MAD1L1: variants seen among roughly 807,000 people sequenced by gnomAD.
MAD1L1 encodes the protein mitotic spindle assembly checkpoint protein MAD1.
MAD1L1 carries 95 observed loss-of-function variants against 96.9 expected under a neutral mutation model. The ratio of observed to expected loss-of-function variants is 0.98; its 90% CI spans 0.83 to 1.16. The LOEUF (loss-of-function observed/expected upper bound fraction) is 1.16, where lower values mean the gene tolerates loss of function less well. MAD1L1 is among the 50% of genes most tolerant of loss of function. The probability of loss-of-function intolerance (pLI) is 0.00; values close to 1 mark genes in which losing one functional copy is unlikely to be tolerated. For missense variants in MAD1L1, 1,007 were observed against 954.4 expected, an observed-to-expected ratio of 1.06 and a Z score of -0.73; for synonymous variants, 473 against 396.6, an observed-to-expected ratio of 1.19 and a Z score of -2.29.
intron 10 of MAD1L1, among the ~76,000 whole-genome samples, chr7:2,205,377 T>C (rs1322447677): frequency 6.6e-6 from 1 of 152,192 alleles, no homozygotes; most frequent in Non-Finnish European, 1.5e-5. Flanking sequence ...CAGACATCAC[T>C]GCTGTGAAAC....
At chr7:2,179,841 G>A (rs899805711) in intron 10 of MAD1L1, among the ~76,000 whole-genome samples, 5 of 151,722 alleles carry the variant, frequency 3.3e-5, no homozygotes, top group African/African-American at 1.2e-4. Flanking sequence ...CGTGGTGGCA[G>A]GCACCTGTAA....
chr7:2,065,751 G>A (rs530883680), intron 12 of MAD1L1, among the ~76,000 whole-genome samples: 1 of 152,338 alleles, frequency 6.6e-6, no homozygotes, highest in African/African-American at 2.4e-5. Flanking sequence ...GACACCCAGC[G>A]TCAACTGCTC....
intron 17 of MAD1L1, among the ~76,000 whole-genome samples, chr7:1,911,599 G>C (rs943774779): frequency 1.3e-5 from 2 of 152,240 alleles, no homozygotes; most frequent in African/African-American, 2.4e-5. Context: ...ATGTTCACCA[G>C]CGAACTTCTG....
intron 9 of MAD1L1, among the ~76,000 whole-genome samples, chr7:2,215,655 C>T (rs1022328252): frequency 1.3e-5 from 2 of 152,186 alleles, no homozygotes; most frequent in Non-Finnish European, 2.9e-5. Context: ...CCCTCCCCGC[C>T]GTGGGCCAGC....
At chr7:2,170,589 A>G (rs912082448) in intron 10 of MAD1L1, among the ~76,000 whole-genome samples, 15 of 152,190 alleles carry the variant, frequency 9.9e-5, no homozygotes, top group African/African-American at 2.4e-5. Flanking sequence ...AACAGCTTTG[A>G]GCAGGGTCTC....
intron 10 of MAD1L1, among the ~76,000 whole-genome samples, chr7:2,196,719 C>G (rs993581643): frequency 2.0e-5 from 3 of 152,256 alleles, no homozygotes; most frequent in African/African-American, 7.2e-5. Context: ...AACAGAAAAA[C>G]AGGGAGAGTC....
At chr7:1,907,960 C>A (rs1485476790) in intron 17 of MAD1L1, among the ~76,000 whole-genome samples, 3 of 152,232 alleles carry the variant, frequency 2.0e-5, no homozygotes, top group Admixed American at 6.5e-5. Context: ...GCGGCCCCCT[C>A]AGGAGACAGC....
At chr7:1,993,712 G>A (rs1781443223) in intron 14 of MAD1L1, among the ~76,000 whole-genome samples, 1 of 152,164 alleles carries the variant, frequency 6.6e-6, no homozygotes, top group African/African-American at 2.4e-5. Flanking sequence ...TCCTTACAAG[G>A]TAACGACATT....
At chr7:1,962,311 T>C (rs958942226) in intron 15 of MAD1L1, among the ~76,000 whole-genome samples, 3 of 152,244 alleles carry the variant, frequency 2.0e-5, no homozygotes, top group Non-Finnish European at 4.4e-5. Context: ...GCTGCCATGA[T>C]TGTGAGGCCT....
intron 5 of MAD1L1, among the ~76,000 whole-genome samples, 196 bp from the exon 6 acceptor site, chr7:2,219,652 C>G (rs1250837039): frequency 2.8e-5 from 3 of 106,514 alleles, no homozygotes; most frequent in Non-Finnish European, 5.6e-5. Flanking sequence ...GGTAGGGGGG[C>G]AGATGGCAAG....
At chr7:1,922,918 G>A (rs1053874285) in intron 17 of MAD1L1, among the ~76,000 whole-genome samples, 2 of 152,358 alleles carry the variant, frequency 1.3e-5, no homozygotes, top group African/African-American at 4.8e-5. Flanking sequence ...GATTGTACCA[G>A]CTGACGCTCG....
intron 11 of MAD1L1, among the ~76,000 whole-genome samples, chr7:2,070,447 G>T: frequency 6.6e-6 from 1 of 152,132 alleles, no homozygotes; most frequent in East Asian, 1.9e-4. Context: ...ATGAGAGGCC[G>T]CCCGAGAGGA....
chr7:2,163,285 G>A (rs1471013886), intron 10 of MAD1L1, among the ~76,000 whole-genome samples: 2 of 152,212 alleles, frequency 1.3e-5, no homozygotes, highest in South Asian at 2.1e-4. Flanking sequence ...GGTTGGGGGC[G>A]TAATGGGATG....
intron 11 of MAD1L1, among the ~76,000 whole-genome samples, chr7:2,145,127 C>T (rs1198003555): frequency 6.6e-6 from 1 of 152,154 alleles, no homozygotes; most frequent in Non-Finnish European, 1.5e-5. Flanking sequence ...CCTGGCTCCA[C>T]AGCCAGCCCC....
chr7:2,038,369 T>A (rs1783530461), intron 12 of MAD1L1, among the ~76,000 whole-genome samples: 1 of 152,172 alleles, frequency 6.6e-6, no homozygotes. Context: ...AGATTTGCAG[T>A]GCACATAAAA....
intron 11 of MAD1L1, among the ~76,000 whole-genome samples, chr7:2,093,783 C>T (rs1196885149): frequency 6.6e-6 from 1 of 152,190 alleles, no homozygotes; most frequent in East Asian, 1.9e-4. Flanking sequence ...CAGCTGCGCT[C>T]CATCAGCCAG....
At position 2,100,767 on chromosome 7, in the gene MAD1L1, T is replaced by C. The variant is rs79544783; in HGVS notation, c.1074-31429A>G. 6.6e-3 allele frequency among the ~76,000 whole-genome samples: 1,002 copies of C among 152,296 alleles called. 10 individuals carry two copies. Among genetic ancestry groups the C allele is most frequent in the Non-Finnish European group, 0.012 (792 of 68,010 alleles). ...TTCTGTTTTTATCATCAGTTTTAAA[T>C]AATTAAGCTGGCCCTGAAGGGGGTT... On this transcript the variant is annotated intron_variant, in intron 11 of 18. Coordinates refer to ENST00000265854, the MANE Select transcript of MAD1L1 (RefSeq NM_001013836.2).
chr7:2,141,548 G>A (rs1019485953), intron 11 of MAD1L1, among the ~76,000 whole-genome samples: 1 of 152,240 alleles, frequency 6.6e-6, no homozygotes, highest in Non-Finnish European at 1.5e-5. Flanking sequence ...AAGGACTGGA[G>A]GAACAAGAAG....
chr7:2,202,762 C>T (rs1047767317), intron 10 of MAD1L1, among the ~76,000 whole-genome samples: 1 of 152,214 alleles, frequency 6.6e-6, no homozygotes, highest in Non-Finnish European at 1.5e-5. Context: ...ACAAATCACG[C>T]GCACGGTAAC....
Sources: allele counts gnomAD v4.1 joint callset (sites outside exome capture counted in the v4.1 genomes callset), GRCh38; gene constraint gnomAD v4.1.1; transcripts MANE v1.5; gene names NCBI Gene and HGNC (gene_info 2026-07-23, HGNC 2026-07-21).